PRR7: variants seen among roughly 807,000 people sequenced by gnomAD.
PRR7 encodes proline-rich protein 7.
PRR7 carries 8 observed loss-of-function variants against 18.5 expected under a neutral mutation model. The ratio of observed to expected loss-of-function variants is 0.43; its 90% CI spans 0.25 to 0.78. The LOEUF (loss-of-function observed/expected upper bound fraction) is 0.78. PRR7 is among the 30% of genes least tolerant of loss of function. The pLI is 0.22. For synonymous variants in PRR7, 221 were observed against 187.7 expected (o/e 1.18, Z -1.45); for missense variants, 396 against 403.1 (o/e 0.98, Z 0.15).
rs973214901 is a variant in PRR7 at position 177,455,636 on chromosome 5, C to G, written c.428-88C>G. ...CGGCGGGCTCGGGTTCGGGCTAGGG[C>G]TGGGGCGCGGGCGGCCCCTGGCCGG... is the stretch of plus-strand genomic sequence containing the variant. On this transcript the variant is annotated intron_variant, in intron 3 of 3. Coordinates refer to ENST00000323249, the MANE Select transcript of PRR7 (RefSeq NM_030567.5). The surrounding 1 kb of genome is among the most constrained non-coding windows in gnomAD (Gnocchi z 6.9). 7.0e-7 allele frequency: 1 copy of G among 1,423,280 alleles called. No individual in the cohort carries two copies. The highest frequency in any genetic ancestry group is 9.2e-7 in the Non-Finnish European group (1 of 1,085,914). The allele number at this position is 1,423,280 out of a possible 1,614,324, so 88.2% of individuals were successfully genotyped here.
At chr5:177,451,833 C>T (rs1756181151) in intron 1 of PRR7, among the ~76,000 whole-genome samples, 1 of 151,880 alleles carries the variant, frequency 6.6e-6, no homozygotes, top group Non-Finnish European at 1.5e-5. Flanking sequence ...AGTGTGGAGC[C>T]CACCCTCAGG....
chr5:177,455,202 A>C lies in PRR7; in HGVS notation c.135A>C (p.Arg45=). 6.4e-7 allele frequency: 1 copy of C among 1,571,848 alleles called. No individual in the cohort carries two copies. Among genetic ancestry groups the C allele is most frequent in the Admixed American group, 1.8e-5 (1 of 56,026 alleles). ...GCCTCAAACGGCGCCAGGAGGAGCG[A>C]CTGCGCGAGCAGAACCTGCGCGCCC... is the stretch of plus-strand genomic sequence containing the variant. ...RRRLKRRQEE[R]LREQNLRALE... is the part of the protein sequence containing the mutation. Residue 45 remains arginine, a synonymous_variant, in exon 3 of 4, where the codon CGA becomes CGC. Coordinates refer to ENST00000323249, the MANE Select transcript of PRR7 (RefSeq NM_030567.5). The surrounding 1 kb of genome is among the most constrained non-coding windows in gnomAD (Gnocchi z 6.9).
At position 177,454,932 on chromosome 5, in the gene PRR7, C is replaced by T. The variant is rs912769510; in HGVS notation, c.-136C>T. The T allele has an allele frequency of 1.7e-6, 2 of 1,208,438 alleles. No homozygotes were observed. The highest frequency in any genetic ancestry group is 3.1e-5 in the African/African-American group (2 of 63,794). 74.9% of individuals were successfully genotyped at this position (1,208,438 alleles called of 1,614,324 possible). On this transcript the variant is annotated 5_prime_UTR_variant, in exon 3 of 4. Transcript: ENST00000323249. This position sits in a 1 kb window ranked among gnomAD's most constrained non-coding sequence, Gnocchi z 4.7. The stretch of plus-strand genomic sequence containing the variant: ...CGCCGGCGCGCGCACGACTTGAGAC[C>T]TGCCACGGGCAGCCCCCGGCCGCGG...
At position 177,455,329 on chromosome 5, in the gene PRR7, G is replaced by A; in HGVS notation, c.262G>A (p.Ala88Thr). The A allele has an allele frequency of 6.7e-7, 1 of 1,486,294 alleles. No homozygotes were observed. Among genetic ancestry groups the A allele is most frequent in the East Asian group, 2.8e-5 (1 of 35,418 alleles). The allele number at this position is 1,486,294 out of a possible 1,614,324, so 92.1% of individuals were successfully genotyped here. ...ACACCGTAGCCGCCTGGAGGCGCCGGCTCACGCGCACTCGCATCCGCACGT... is the reference window on the plus strand; with the variant it reads ...ACACCGTAGCCGCCTGGAGGCGCCGACTCACGCGCACTCGCATCCGCACGT... Reference protein sequence around the residue: ...PPHRSRLEAPAHAHSHPHVHV... With the variant: ...PPHRSRLEAPTHAHSHPHVHV... Residue 88 changes from alanine to threonine, a missense_variant, in exon 3 of 4, where the codon GCT (alanine) becomes ACT (threonine). Coordinates refer to ENST00000323249, the MANE Select transcript of PRR7 (RefSeq NM_030567.5). The surrounding 1 kb of genome is among the most constrained non-coding windows in gnomAD (Gnocchi z 6.9).
In PRR7 at chr5:177,454,688, T is replaced by C. The variant is rs1756314669; in HGVS notation, c.-239-141T>C. On this transcript the variant is annotated intron_variant, in intron 2 of 3. Coordinates refer to ENST00000323249, the MANE Select transcript of PRR7 (RefSeq NM_030567.5). The surrounding 1 kb of genome is among the most constrained non-coding windows in gnomAD (Gnocchi z 4.7). ...ACCTCGAGGCGTGACGTCACCCTCCTCGGTGACGTCACCGGGCCCCCGGGG... is the reference window on the plus strand; with the variant it reads ...ACCTCGAGGCGTGACGTCACCCTCCCCGGTGACGTCACCGGGCCCCCGGGG... 6.8e-6 allele frequency: 1 copy of C among 147,850 alleles called. No homozygotes were observed. Among genetic ancestry groups the C allele is most frequent in the South Asian group, 2.4e-4 (1 of 4,134 alleles). 9.2% of individuals were successfully genotyped at this position (147,850 alleles called of 1,614,324 possible). A position where few individuals can be genotyped will look rare whatever the true frequency, so the allele number is the denominator to read the frequency against.
In PRR7 at chr5:177,450,584, A is replaced by G. The variant is rs190750706; in HGVS notation, c.-324-3372A>G. 2.2e-3 allele frequency among the ~76,000 whole-genome samples: 340 copies of G among 152,280 alleles called. 2 individuals carry two copies. Among genetic ancestry groups the G allele is most frequent in the African/African-American group, 7.4e-3 (309 of 41,544 alleles). On this transcript the variant is annotated intron_variant, in intron 1 of 3. Transcript: ENST00000323249. This position sits in a 1 kb window ranked among gnomAD's most constrained non-coding sequence, Gnocchi z 6.6. ...CCTTCCATAGGTGGTTCTTGAGCCA[A>G]TTACTGGGTGCCAGCTGGTAAGGCC...
chr5:177,456,196 A>C lies in PRR7; in HGVS notation c.*75A>C. 1.2e-5 allele frequency: 6 copies of C among 488,548 alleles called. No homozygotes were observed. The highest frequency in any genetic ancestry group is 2.2e-5 in the African/African-American group (1 of 44,736). 30.3% of individuals were successfully genotyped at this position (488,548 alleles called of 1,614,324 possible). A position where few individuals can be genotyped will look rare whatever the true frequency, so the allele number is the denominator to read the frequency against. ...CGGGGCTTTTTAAATGCTTCCCTGG[A>C]CTGCGGGGAGGGGCGGGGGGAGGGA... On this transcript the variant is annotated 3_prime_UTR_variant, in exon 4 of 4. Transcript: ENST00000323249.
chr5:177,453,884 T>G (rs1756269213), intron 1 of PRR7, 72 bp from the exon 2 acceptor site: 4 of 152,304 alleles, frequency 2.6e-5, no homozygotes, highest in Admixed American at 2.6e-4. Flanking sequence ...AGTTCTGTTC[T>G]GTGGGGGCGG....
Position 177,455,041 on chromosome 5 carries a change from T to G in PRR7, c.-27T>G, listed in dbSNP as rs1756342965. On this transcript the variant is annotated 5_prime_UTR_variant, in exon 3 of 4. Coordinates refer to ENST00000323249, the MANE Select transcript of PRR7 (RefSeq NM_030567.5). This position sits in a 1 kb window ranked among gnomAD's most constrained non-coding sequence, Gnocchi z 6.9. ...GGAGCCCAGTGTCCAGTGAAGCGTC[T>G]GAGGACCCGCCGCCCGTGCCGCCGC... The G allele has an allele frequency of 6.9e-7, 1 of 1,445,588 alleles. No individual in the cohort carries two copies. Among genetic ancestry groups the G allele is most frequent in the Non-Finnish European group, 9.1e-7 (1 of 1,100,320 alleles). The allele number at this position is 1,445,588 out of a possible 1,614,324, so 89.5% of individuals were successfully genotyped here. A position where few individuals can be genotyped will look rare whatever the true frequency, so the allele number is the denominator to read the frequency against.
upstream of PRR7, chr5:177,446,754 G>A (rs1040266657): frequency 6.6e-6 from 1 of 151,206 alleles, no homozygotes; most frequent in Non-Finnish European, 1.5e-5. The surrounding 1 kb of genome is among the most constrained non-coding windows in gnomAD (Gnocchi z 5.3). Flanking sequence ...GCTGCCGCGC[G>A]CGCGCACGCC....
At chr5:177,451,866 C>T (rs1422577027) in intron 1 of PRR7, among the ~76,000 whole-genome samples, 1 of 152,224 alleles carries the variant, frequency 6.6e-6, no homozygotes, top group Non-Finnish European at 1.5e-5. Flanking sequence ...TGGGGACACA[C>T]ACATGTCTGC....
intron 1 of PRR7, among the ~76,000 whole-genome samples, chr5:177,451,667 G>A (rs1271549928): frequency 1.5e-4 from 11 of 71,488 alleles, no homozygotes; most frequent in Non-Finnish European, 1.8e-4. Flanking sequence ...TGAGTGTGGA[G>A]CCCACCCTCA....
intron 1 of PRR7, among the ~76,000 whole-genome samples, chr5:177,452,111 T>A (rs555935070): frequency 2.9e-4 from 44 of 152,160 alleles, no homozygotes; most frequent in Non-Finnish European, 5.6e-4. Context: ...GATGCAACCC[T>A]AAAACATGTT....
Position 177,455,995 on chromosome 5 carries a change from C to T in PRR7, c.699C>T (p.Ala233=). 6.3e-7 allele frequency: 1 copy of T among 1,582,646 alleles called. No homozygotes were observed. The change falls in exon 4 of 4, where the codon GCC becomes GCT. Residue 233 remains alanine (A), a synonymous_variant. Transcript: ENST00000323249. The surrounding 1 kb of genome is among the most constrained non-coding windows in gnomAD (Gnocchi z 6.9). ...APPCPALCLQ[A]DRGRRVFPSW... is the part of the protein sequence containing the mutation. ...CCTGCCCAGCCCTCTGCCTGCAGGCCGACCGTGGCCGCCGGGTCTTCCCCA... is the reference window on the plus strand; with the variant it reads ...CCTGCCCAGCCCTCTGCCTGCAGGCTGACCGTGGCCGCCGGGTCTTCCCCA...
In PRR7 at chr5:177,454,432, C is replaced by T. The variant is rs2127388475; in HGVS notation, c.-240+392C>T. ...GTCTGTGGGGCTCTAGGAGATGTAC[C>T]ACCCTTTCCCCGCCGCACAGCAACG... On this transcript the variant is annotated intron_variant, in intron 2 of 3. Transcript: ENST00000323249. This position sits in a 1 kb window ranked among gnomAD's most constrained non-coding sequence, Gnocchi z 4.7. Among the ~76,000 whole-genome samples, 1 of 152,330 alleles carries T rather than the reference C, an allele frequency of 6.6e-6. No individual in the cohort carries two copies. Among genetic ancestry groups the T allele is most frequent in the East Asian group, 1.9e-4 (1 of 5,176 alleles).
Position 177,455,796 on chromosome 5 carries a change from G to A in PRR7, c.500G>A (p.Ser167Asn). The A allele has an allele frequency of 6.2e-7, 1 of 1,611,686 alleles. No individual in the cohort carries two copies. ...VLMAEPPPPYSEVLTDTRGLY... is the reference protein window; with the variant it reads ...VLMAEPPPPYNEVLTDTRGLY... The stretch of plus-strand genomic sequence containing the variant: ...ATGGCAGAGCCGCCGCCGCCCTATA[G>A]CGAGGTGCTCACGGACACGCGCGGC... The change falls in exon 4 of 4, where the codon AGC (serine) becomes AAC (asparagine). Residue 167 changes from serine to asparagine, a missense_variant. Physicochemically the swap from Ser to Asn is conservative, Grantham distance 46. Around this residue, in one of 2 missense-constraint regions of PRR7, gnomAD observed 383 missense variants for 372.6 expected, o/e 1.03. Coordinates refer to ENST00000323249, the MANE Select transcript of PRR7 (RefSeq NM_030567.5). This position sits in a 1 kb window ranked among gnomAD's most constrained non-coding sequence, Gnocchi z 6.9.
At chr5:177,447,211 G>A (rs1755933529) in intron 1 of PRR7, among the ~76,000 whole-genome samples, 1 of 152,110 alleles carries the variant, frequency 6.6e-6, no homozygotes, top group Admixed American at 6.5e-5. Context: ...CAGCAACGGG[G>A]TTGCGCTCCC....
chr5:177,456,147 A>C lies in PRR7; in HGVS notation c.*26A>C. 1 of 1,384,986 alleles carries C rather than the reference A, an allele frequency of 7.2e-7. No individual in the cohort carries two copies. Among genetic ancestry groups the C allele is most frequent in the South Asian group, 1.5e-5 (1 of 65,694 alleles). 85.8% of individuals were successfully genotyped at this position (1,384,986 alleles called of 1,614,324 possible). ...AGGGGCGCCCGGCGCCCCGGGCCCC[A>C]CCGGCGGACTCCTGGCCTGACTGCG... On this transcript the variant is annotated 3_prime_UTR_variant, in exon 4 of 4. Coordinates refer to ENST00000323249, the MANE Select transcript of PRR7 (RefSeq NM_030567.5).
rs1756350226 is a variant in PRR7, at chr5:177,455,202, ACTGCGCGAGCAGAAC to A, written c.143_157del (p.Glu48_Arg52del). The A allele has an allele frequency of 4.5e-6, 7 of 1,571,848 alleles. No homozygotes were observed. The highest frequency in any genetic ancestry group is 6.0e-6 in the Non-Finnish European group (7 of 1,165,660). On this transcript the variant is annotated inframe_deletion, in exon 3 of 4. Transcript: ENST00000323249. The surrounding 1 kb of genome is among the most constrained non-coding windows in gnomAD (Gnocchi z 6.9). ...GCCTCAAACGGCGCCAGGAGGAGCG[ACTGCGCGAGCAGAAC>A]CTGCGCGCCCTAGAGCTGGAGCCCC...
Sources: gnomAD v4.1 joint callset for allele counts (sites outside exome capture counted in the v4.1 genomes callset) on GRCh38, gnomAD v4.1.1 for gene constraint, gnomAD v4.1.1 regional missense constraint, Gnocchi (gnomAD v3.1) non-coding constraint, MANE v1.5 for transcripts, NCBI Gene and HGNC (gene_info 2026-07-23, HGNC 2026-07-21) for gene names.